LTN1: variants seen among roughly 807,000 people sequenced by gnomAD.
LTN1 encodes listerin E3 ubiquitin protein ligase 1, also known as E3 ubiquitin-protein ligase listerin.
A neutral mutation model predicts 201.2 loss-of-function variants in LTN1; 88 were observed. The ratio of observed to expected loss-of-function variants is 0.44; its 90% CI spans 0.37 to 0.52. The LOEUF (loss-of-function observed/expected upper bound fraction) is 0.52. LTN1 is among the 20% of genes least tolerant of loss of function. LTN1 has a pLI of 0.00. For missense variants in LTN1, 1,752 were observed against 2,038.7 expected (o/e 0.86, Z 2.71); for synonymous variants, 645 against 713.5 (o/e 0.90, Z 1.53).
chr21:28,970,403 GA>G (rs2084563919), intron 8 of LTN1, 148 bp downstream of exon 8: 1 of 635,442 alleles, frequency 1.6e-6, no homozygotes. Context: ...ACGTACTCAA[GA>G]AAAAAATATC....
chr21:28,971,477 C>T, intron 6 of LTN1, 33 bp from the exon 7 acceptor site: 2 of 1,591,780 alleles, frequency 1.3e-6, no homozygotes. Context: ...TAAATTAAAA[C>T]CTAGTAAAAC....
chr21:28,969,928 C>T (rs1264439054), intron 8 of LTN1, among the ~76,000 whole-genome samples: 7 of 151,998 alleles, frequency 4.6e-5, no homozygotes, highest in African/African-American at 1.7e-4. Flanking sequence ...AAGCAATCCT[C>T]CCACTTTGGC....
rs765761464 is a variant in LTN1, at chr21:28,930,438, G to GA, written c.*9dup. On this transcript the variant is annotated 3_prime_UTR_variant, in exon 30 of 30. Coordinates refer to ENST00000361371, the MANE Select transcript of LTN1 (RefSeq NM_015565.3). ...ATGTACTTCAGGGATCCCTTCCAGTGAAAAAAATCTCAGAAAAACGTCTCA... is the reference window on the plus strand; with the variant it reads ...ATGTACTTCAGGGATCCCTTCCAGTGAAAAAAAATCTCAGAAAAACGTCTCA... 7 of 1,606,322 alleles carry GA rather than the reference G, an allele frequency of 4.4e-6. No individual in the cohort carries two copies. Among genetic ancestry groups the GA allele is most frequent in the Admixed American group, 1.7e-5 (1 of 59,656 alleles).
At chr21:28,972,205 G>GCAA (rs936134663) in intron 6 of LTN1, among the ~76,000 whole-genome samples, 2 of 152,122 alleles carry the variant, frequency 1.3e-5, no homozygotes, top group African/African-American at 4.8e-5. Context: ...AACAGAGAAA[G>GCAA]CAACCCTCAC....
chr21:28,979,864 T>C lies in LTN1; in HGVS notation c.810+1255A>G, dbSNP rs552783071. On this transcript the variant is annotated intron_variant, in intron 6 of 29. Transcript: ENST00000361371. ...GTGGGCACCTGTAATCCCAGCTACT[T>C]GGGAGGCTGAGGCAGGAGAATCACT... Among the ~76,000 whole-genome samples the C allele has an allele frequency of 7.2e-5, 11 of 152,114 alleles. 1 individual carries two copies. In the South Asian group the frequency reaches 1.9e-3, roughly 26 times the overall value.
At chr21:28,990,806 T>G (rs1009491956) in intron 1 of LTN1, among the ~76,000 whole-genome samples, 1 of 152,162 alleles carries the variant, frequency 6.6e-6, no homozygotes, top group Non-Finnish European at 1.5e-5. Flanking sequence ...TTCCAAATTT[T>G]GTTAAAAAAG....
chr21:28,931,371 T>C, intron 28 of LTN1, 49 bp from the exon 29 acceptor site: 1 of 1,020,864 alleles, frequency 9.8e-7, no homozygotes, highest in Non-Finnish European at 1.4e-6. Flanking sequence ...AACCACCAAT[T>C]TTATTTTTAT....
chr21:28,941,294 C>T lies in LTN1; in HGVS notation c.4408G>A (p.Asp1470Asn). 2 of 1,613,384 alleles carry T rather than the reference C, an allele frequency of 1.2e-6. No individual in the cohort carries two copies. The highest frequency in any genetic ancestry group is 1.7e-6 in the Non-Finnish European group (2 of 1,179,544). Residue 1470 changes from aspartate (D) to asparagine (N), a missense_variant, in exon 25 of 30, where the codon GAC becomes AAC. This residue lies in a region of LTN1 where 1,211 missense variants were observed against 1,312.8 expected (regional missense o/e 0.92). Transcript: ENST00000361371. ...AGGTATCCCAGAACATAACAGAAGT[C>T]TTCACTCAGTGGTTTAATAGTAACT... Reference protein sequence around the residue: ...QIVTIKPLSEDFCYVLGYLLT... With the variant: ...QIVTIKPLSENFCYVLGYLLT...
chr21:28,969,431 T>C (rs750999853), intron 9 of LTN1, 35 bp downstream of exon 9: 2 of 1,577,940 alleles, frequency 1.3e-6, no homozygotes, highest in East Asian at 2.3e-5. Context: ...ATAATCAGTA[T>C]GCAAAGAGAC....
Position 28,960,560 on chromosome 21 carries a change from T to C in LTN1, c.2310A>G (p.Arg770=), listed in dbSNP as rs974609639. 3.7e-6 allele frequency: 6 copies of C among 1,613,918 alleles called. No homozygotes were observed. The Admixed American group carries it at 5.0e-5, about 13-fold the overall frequency. The change falls in exon 12 of 30, where the codon AGA becomes AGG. Residue 770 remains arginine (R), a synonymous_variant. Coordinates refer to ENST00000361371, the MANE Select transcript of LTN1 (RefSeq NM_015565.3). The part of the protein sequence containing the change: ...RVSSESHFSE[R]WTLLSLVLSQ... The stretch of plus-strand genomic sequence containing the variant: ...ATAATACCAAGCTTAGAAGAGTCCA[T>C]CTTTCTGAGAAGTGAGATTCTGAAG...
At chr21:28,944,759 A>G (rs181052771) in intron 21 of LTN1, among the ~76,000 whole-genome samples, 163 bp from the exon 22 acceptor site, 1 of 152,378 alleles carries the variant, frequency 6.6e-6, no homozygotes, top group East Asian at 1.9e-4. Flanking sequence ...ACATCAAAAT[A>G]ACTTTTTTCT....
At chr21:28,932,391 A>G (rs1398075254) in intron 28 of LTN1, 79 bp downstream of exon 28, 1 of 1,107,714 alleles carries the variant, frequency 9.0e-7, no homozygotes, top group Non-Finnish European at 1.3e-6. Context: ...CAGAAAAGAT[A>G]TATTTTATGT....
At chr21:28,974,976 C>T (rs559517179) in intron 6 of LTN1, among the ~76,000 whole-genome samples, 17 of 149,714 alleles carry the variant, frequency 1.1e-4, no homozygotes, top group African/African-American at 3.6e-4. Context: ...AAGTTAACTG[C>T]CTCCTAACAA....
At chr21:28,980,246 T>C (rs2084647762) in intron 6 of LTN1, among the ~76,000 whole-genome samples, 1 of 151,960 alleles carries the variant, frequency 6.6e-6, no homozygotes, top group African/African-American at 2.4e-5. Flanking sequence ...CGCTATGATA[T>C]GCCTTACAAA....
rs770231230 is a variant in LTN1, at chr21:28,943,794, C to A, written c.4093G>T (p.Ala1365Ser). Residue 1365 changes from alanine to serine, a missense_variant, in exon 23 of 30, where the codon GCA becomes TCA. Transcript: ENST00000361371. ...KEQLLSHKLP[A>S]RLVADQKTNL... is the part of the protein sequence containing the mutation. ...GTTTTTTGGTCAGCAACTAATCTTG[C>A]AGGAAGTTTGTGACTCAATAGCTGT... 1.2e-6 allele frequency: 2 copies of A among 1,613,598 alleles called. No homozygotes were observed. Among genetic ancestry groups the A allele is most frequent in the Non-Finnish European group, 1.7e-6 (2 of 1,179,756 alleles).
At chr21:28,939,954 A>G (rs975005429) in intron 25 of LTN1, among the ~76,000 whole-genome samples, 5 of 152,354 alleles carry the variant, frequency 3.3e-5, no homozygotes, top group African/African-American at 1.2e-4. Context: ...TTTTCCCCAC[A>G]GATATACAAA....
At chr21:28,950,616 A>G (rs887485612) in intron 18 of LTN1, among the ~76,000 whole-genome samples, 4 of 152,052 alleles carry the variant, frequency 2.6e-5, no homozygotes, top group African/African-American at 9.7e-5. Context: ...CCTGAGCTCA[A>G]GTGATCCTCC....
chr21:28,982,223 AAAAC>A, intron 5 of LTN1, 89 bp downstream of exon 5: 1 of 1,175,000 alleles, frequency 8.5e-7, no homozygotes, highest in Non-Finnish European at 1.3e-6. Flanking sequence ...TCTCAAAAAA[AAAAC>A]AAAAACAAAA....
intron 20 of LTN1, 51 bp from the exon 21 acceptor site, chr21:28,946,002 A>G (rs1568837272): frequency 7.3e-6 from 11 of 1,505,678 alleles, no homozygotes; most frequent in East Asian, 4.5e-5. Context: ...TTGACATTCA[A>G]TTAGAAAGTA....
Sources: gnomAD v4.1 joint callset for allele counts (sites outside exome capture counted in the v4.1 genomes callset) on GRCh38, gnomAD v4.1.1 for gene constraint, gnomAD v4.1.1 regional missense constraint, MANE v1.5 for transcripts, NCBI Gene and HGNC (gene_info 2026-07-23, HGNC 2026-07-21) for gene names.